ANKRD44: variants seen among roughly 807,000 people sequenced by gnomAD.
ANKRD44 encodes ankyrin repeat domain 44, also known as serine/threonine-protein phosphatase 6 regulatory ankyrin repeat subunit B.
In ANKRD44, 35 loss-of-function variants were observed where a neutral mutation model predicts 116.0. That is an observed-to-expected ratio of 0.30 (90% confidence interval 0.23 to 0.40). ANKRD44 has a LOEUF of 0.40. ANKRD44 is among the 10% of genes least tolerant of loss of function. The pLI is 1.00. For synonymous variants in ANKRD44, 435 were observed against 461.8 expected (o/e 0.94, Z 0.74); for missense variants, 1,014 against 1,242.6 (o/e 0.82, Z 2.77).
chr2:197,286,709 T>G (rs1394613522), intron 1 of ANKRD44, among the ~76,000 whole-genome samples: 2 of 152,164 alleles, frequency 1.3e-5, no homozygotes, highest in Non-Finnish European at 2.9e-5. Flanking sequence ...AATTTTTTTT[T>G]GCTTATGAAA....
At chr2:197,007,713 C>T (rs2076225051) in intron 20 of ANKRD44, 93 bp downstream of exon 20, 1 of 818,588 alleles carries the variant, frequency 1.2e-6, no homozygotes, top group South Asian at 1.6e-5. Flanking sequence ...GCTAAAAATC[C>T]AATCAAAGTA....
chr2:197,197,685 C>T (rs2080985253), intron 1 of ANKRD44, among the ~76,000 whole-genome samples: 1 of 151,746 alleles, frequency 6.6e-6, no homozygotes, highest in Admixed American at 6.6e-5. Flanking sequence ...TGGCGCACAC[C>T]TGTAGTCCCA....
At chr2:197,115,606 T>C (rs1015655233) in intron 8 of ANKRD44, among the ~76,000 whole-genome samples, 1 of 152,228 alleles carries the variant, frequency 6.6e-6, no homozygotes, top group Non-Finnish European at 1.5e-5. Context: ...TTTGTGAGAA[T>C]AGAGGAAAAC....
At chr2:197,066,087 C>G (rs964906214) in intron 16 of ANKRD44, among the ~76,000 whole-genome samples, 2 of 152,186 alleles carry the variant, frequency 1.3e-5, no homozygotes, top group African/African-American at 4.8e-5. Context: ...AAAGCTTATT[C>G]ACGATGATCA....
intron 21 of ANKRD44, among the ~76,000 whole-genome samples, chr2:196,975,070 C>T (rs985594453): frequency 2.0e-5 from 3 of 151,952 alleles, no homozygotes; most frequent in Non-Finnish European, 4.4e-5. Context: ...ACTTCTACCA[C>T]GACTAAAGAA....
intron 1 of ANKRD44, among the ~76,000 whole-genome samples, chr2:197,241,717 T>C (rs780040536): frequency 6.6e-5 from 10 of 152,164 alleles, no homozygotes; most frequent in African/African-American, 1.9e-4. Flanking sequence ...AGGTACTTAT[T>C]GTTCTTTAAG....
intron 1 of ANKRD44, among the ~76,000 whole-genome samples, chr2:197,245,176 CT>C (rs1252329063): frequency 6.6e-6 from 1 of 152,182 alleles, no homozygotes; most frequent in East Asian, 1.9e-4. Context: ...AGGAGAATCA[CT>C]TGAACCCAGG....
chr2:197,095,583 A>T (rs536679718), intron 10 of ANKRD44, among the ~76,000 whole-genome samples: 1 of 152,322 alleles, frequency 6.6e-6, no homozygotes, highest in South Asian at 2.1e-4. Flanking sequence ...GCAAAATGTG[A>T]ACCATCACAT....
At chr2:197,122,893 T>C (rs763337696) in intron 6 of ANKRD44, 101 bp from the exon 7 acceptor site, 3 of 1,401,346 alleles carry the variant, frequency 2.1e-6, no homozygotes, top group Admixed American at 2.3e-5. Context: ...TCGCCACCAG[T>C]ATTTTGCTGA....
At chr2:197,042,860 G>A (rs768295774) in intron 16 of ANKRD44, among the ~76,000 whole-genome samples, 4 of 152,114 alleles carry the variant, frequency 2.6e-5, no homozygotes, top group African/African-American at 9.7e-5. Context: ...AGGCATTTTC[G>A]GTAAACAGTG....
chr2:197,113,620 CAG>C (rs2078640722), intron 8 of ANKRD44, among the ~76,000 whole-genome samples: 1 of 152,140 alleles, frequency 6.6e-6, no homozygotes, highest in South Asian at 2.1e-4. Flanking sequence ...AAGTTGCAGG[CAG>C]AGAGACAAAG....
At chr2:197,006,828 G>A (rs1446903583) in intron 20 of ANKRD44, among the ~76,000 whole-genome samples, 1 of 152,112 alleles carries the variant, frequency 6.6e-6, no homozygotes, top group Non-Finnish European at 1.5e-5. Flanking sequence ...AGTTCAGAGG[G>A]TGCAAGTGGC....
intron 21 of ANKRD44, among the ~76,000 whole-genome samples, chr2:196,979,747 A>G (rs1398115344): frequency 6.6e-6 from 1 of 151,638 alleles, no homozygotes; most frequent in East Asian, 2.0e-4. Context: ...TTTTTAGTAG[A>G]GACAGGGTTT....
At chr2:196,999,088 T>G (rs1451407192) in intron 23 of ANKRD44, 36 bp from the exon 24 acceptor site, 1 of 1,607,564 alleles carries the variant, frequency 6.2e-7, no homozygotes, top group Middle Eastern at 1.7e-4. Context: ...TTAGTTTCCT[T>G]TAAACTTTAT....
chr2:197,211,029 G>A (rs570543088), intron 1 of ANKRD44, among the ~76,000 whole-genome samples: 7 of 152,236 alleles, frequency 4.6e-5, no homozygotes, highest in African/African-American at 1.4e-4. Flanking sequence ...AAAAGGCAGC[G>A]GGCCAGGAGG....
intron 1 of ANKRD44, among the ~76,000 whole-genome samples, chr2:197,282,949 G>A (rs772442448): frequency 6.6e-6 from 1 of 152,228 alleles, no homozygotes; most frequent in African/African-American, 2.4e-5. Flanking sequence ...ATACCAGCCT[G>A]TGGATTATTA....
chr2:197,033,762 A>G (rs2076753371), intron 16 of ANKRD44, among the ~76,000 whole-genome samples: 1 of 151,266 alleles, frequency 6.6e-6, no homozygotes, highest in African/African-American at 2.4e-5. Context: ...AGTGGTTAGT[A>G]CTCATCTTAG....
downstream of ANKRD44, among the ~76,000 whole-genome samples, chr2:196,986,285 C>G (rs2075836643): frequency 6.6e-6 from 1 of 152,026 alleles, no homozygotes; most frequent in African/African-American, 2.4e-5. Context: ...CATAGTGGTG[C>G]ACATCTGTAG....
chr2:197,047,682 C>T (rs188702507), intron 16 of ANKRD44, among the ~76,000 whole-genome samples: 7 of 152,180 alleles, frequency 4.6e-5, no homozygotes, highest in Non-Finnish European at 1.0e-4. Flanking sequence ...GAGGCCGAGG[C>T]AGGTGGATCA....
Sources: allele counts gnomAD v4.1 joint callset (sites outside exome capture counted in the v4.1 genomes callset), GRCh38; gene constraint gnomAD v4.1.1; transcripts MANE v1.5; gene names NCBI Gene and HGNC (gene_info 2026-07-23, HGNC 2026-07-21).